Variants in HELQ observed in about 807,000 individuals in gnomAD.
The protein encoded by HELQ is helicase POLQ-like.
HELQ carries 77 observed loss-of-function variants against 111.6 expected under a neutral mutation model. That is an observed-to-expected ratio of 0.69 (90% confidence interval 0.57 to 0.83). The LOEUF is 0.83. Among genes scored for constraint, HELQ ranks in the 40% least tolerant of loss-of-function variants. The probability of loss-of-function intolerance (pLI) is 0.00; values close to 1 mark genes in which losing one functional copy is unlikely to be tolerated. For missense variants in HELQ, 1,200 were observed against 1,288.5 expected, an observed-to-expected ratio of 0.93 and a Z score of 1.05; for synonymous variants, 438 against 454.7, an observed-to-expected ratio of 0.96 and a Z score of 0.47.
chr4:83,446,962 A>C lies in HELQ; in HGVS notation c.1265T>G (p.Phe422Cys), dbSNP rs1721080747. The C allele has an allele frequency of 6.2e-7, 1 of 1,613,686 alleles. No individual in the cohort carries two copies. Among genetic ancestry groups the C allele is most frequent in the Admixed American group, 1.7e-5 (1 of 60,020 alleles). ...VEEYAGSKGR[F>C]PPTKRREKKS... ...CTTTTCCCTTCTTTTAGTTGGAGGAAATCTTCCTTTGCTTCCAGCATATTC... is the reference window on the plus strand; with the variant it reads ...CTTTTCCCTTCTTTTAGTTGGAGGACATCTTCCTTTGCTTCCAGCATATTC... Residue 422 changes from phenylalanine to cysteine, a missense_variant, in exon 4 of 18, where the codon TTT becomes TGT. Transcript: ENST00000295488.
In HELQ at chr4:83,452,457, G is replaced by A. The variant is rs150594075; in HGVS notation, c.1012+774C>T. Among the ~76,000 whole-genome samples, 1,131 of 152,300 alleles carry A rather than the reference G, an allele frequency of 7.4e-3. 5 individuals are homozygous for A. Among genetic ancestry groups the A allele is most frequent in the Middle Eastern group, 0.027 (8 of 294 alleles). ...TCTGGGTGGTGGCAGGGATGCACCCGTGGGGAGAGGTAGCTGCGGCTGCTG... is the reference window on the plus strand; with the variant it reads ...TCTGGGTGGTGGCAGGGATGCACCCATGGGGAGAGGTAGCTGCGGCTGCTG... On this transcript the variant is annotated intron_variant, in intron 2 of 17. Transcript: ENST00000295488.
chr4:83,430,131 C>T (rs4365717), intron 11 of HELQ, among the ~76,000 whole-genome samples: 3,578 of 150,376 alleles, frequency 0.024, 138 homozygotes, highest in African/African-American at 0.083. Context: ...ACTGTAAAAA[C>T]ATCCTTTAGC....
In HELQ at chr4:83,448,806, A is replaced by G. The variant is rs1233881755; in HGVS notation, c.1168T>C (p.Tyr390His). 6.2e-7 allele frequency: 1 copy of G among 1,613,442 alleles called. No individual in the cohort carries two copies. Among genetic ancestry groups the G allele is most frequent in the East Asian group, 2.2e-5 (1 of 44,890 alleles). The part of the protein sequence containing the change: ...CRKDVLMILP[Y>H]VAIVQEKISG... Reference sequence around the variant, plus strand: ...ACCTTTTCTTGGACAATTGCCACATATGGAAGAATCATTAAAACATCTTTC... The same window carrying G: ...ACCTTTTCTTGGACAATTGCCACATGTGGAAGAATCATTAAAACATCTTTC... Residue 390 changes from tyrosine (Y) to histidine (H), a missense_variant, in exon 3 of 18, where the codon TAT becomes CAT. Tyr to His is a moderately conservative substitution (Grantham distance 83). Coordinates refer to ENST00000295488, the MANE Select transcript of HELQ (RefSeq NM_133636.5).
intron 2 of HELQ, among the ~76,000 whole-genome samples, chr4:83,452,619 CA>C (rs1253462326): frequency 6.6e-6 from 1 of 152,152 alleles, no homozygotes; most frequent in Non-Finnish European, 1.5e-5. Context: ...CAAGGAAATA[CA>C]ACTAAGAAAG....
Position 83,421,718 on chromosome 4 carries a change from C to T in HELQ, c.2794G>A (p.Val932Ile). The change falls in exon 15 of 18, where the codon GTC becomes ATC. Residue 932 changes from valine (V) to isoleucine (I), a missense_variant. By Grantham distance (29) the Val-to-Ile change is conservative. Around this residue, in one of 3 missense-constraint regions of HELQ, gnomAD observed 585 missense variants for 665.3 expected, o/e 0.88. Transcript: ENST00000295488. ...AIGKKVDKNVVNRLYLSFVLY... is the reference protein window; with the variant it reads ...AIGKKVDKNVINRLYLSFVLY... ...ACAAAAGACAGATATAGCCTGTTGA[C>T]AACGTTCTTGTCCACCTTCTAGAAA... The T allele has an allele frequency of 6.2e-7, 1 of 1,613,208 alleles. No individual in the cohort carries two copies. Among genetic ancestry groups the T allele is most frequent in the Non-Finnish European group, 8.5e-7 (1 of 1,179,640 alleles).
intron 3 of HELQ, among the ~76,000 whole-genome samples, chr4:83,448,039 ATC>A (rs1489681955): frequency 1.3e-5 from 2 of 151,578 alleles, no homozygotes; most frequent in Admixed American, 1.3e-4. Context: ...ATGAAAACCC[ATC>A]TCTACTAAAA....
In HELQ at chr4:83,421,713, G is replaced by A. The variant is rs1739695044; in HGVS notation, c.2799C>T (p.Asn933=). 2 of 1,613,032 alleles carry A rather than the reference G, an allele frequency of 1.2e-6. No homozygotes were observed. Among genetic ancestry groups the A allele is most frequent in the Non-Finnish European group, 1.7e-6 (2 of 1,179,670 alleles). The change falls in exon 15 of 18, where the codon AAC becomes AAT. Residue 933 remains asparagine (N), a synonymous_variant. Transcript: ENST00000295488. ...IGKKVDKNVV[N]RLYLSFVLYT... Reference sequence around the variant, plus strand: ...AAAGAACAAAAGACAGATATAGCCTGTTGACAACGTTCTTGTCCACCTTCT... The same window carrying A: ...AAAGAACAAAAGACAGATATAGCCTATTGACAACGTTCTTGTCCACCTTCT...
At chr4:83,438,203 G>A (rs1720563721) in intron 8 of HELQ, among the ~76,000 whole-genome samples, 1 of 152,184 alleles carries the variant, frequency 6.6e-6, no homozygotes, top group African/African-American at 2.4e-5. Flanking sequence ...CAGGTTAATA[G>A]ACTATGAATA....
Position 83,441,387 on chromosome 4 carries a change from T to TA in HELQ, c.1579dup (p.Tyr527LeufsTer6), listed in dbSNP as rs765984574. The TA allele has an allele frequency of 6.5e-7, 1 of 1,546,952 alleles. No individual in the cohort carries two copies. Among genetic ancestry groups the TA allele is most frequent in the South Asian group, 1.2e-5 (1 of 86,722 alleles). On this transcript the variant is annotated frameshift_variant, in exon 7 of 18. Coordinates refer to ENST00000295488, the MANE Select transcript of HELQ (RefSeq NM_133636.5). LOFTEE classifies it high-confidence loss of function. ...ATATATTGTATCATTTATTTTCAGA[T>TA]ATTCTTTTAACTCAACCTTGAATTA...
intron 4 of HELQ, 39 bp from the exon 5 acceptor site, chr4:83,446,125 T>G: frequency 7.2e-7 from 1 of 1,382,822 alleles, no homozygotes; most frequent in Non-Finnish European, 1.0e-6. Flanking sequence ...GAAGTAAATC[T>G]TCATATAGTG....
At position 83,427,717 on chromosome 4, in the gene HELQ, G is replaced by A. The variant is rs1370151216; in HGVS notation, c.2522C>T (p.Thr841Ile). ...TKLGRASFKG[T>I]IDLAYCDILY... ...AATGTCACAATAAGCTAAATCTATA[G>A]TTCCTAAAAGAAAGATACAAATATT... Residue 841 changes from threonine to isoleucine, a missense_variant, in exon 13 of 18, where the codon ACT becomes ATT. By Grantham distance (89) the Thr-to-Ile change is moderately conservative. Coordinates refer to ENST00000295488, the MANE Select transcript of HELQ (RefSeq NM_133636.5). 1 of 1,524,170 alleles carries A rather than the reference G, an allele frequency of 6.6e-7. No homozygotes were observed. Among genetic ancestry groups the A allele is most frequent in the African/African-American group, 1.4e-5 (1 of 70,594 alleles). The allele number at this position is 1,524,170 out of a possible 1,614,324, so 94.4% of individuals were successfully genotyped here.
Position 83,453,501 on chromosome 4 carries a change from C to T in HELQ, c.742G>A (p.Glu248Lys). ...CTAGTTCTGACTTTGGAAGAGGACT[C>T]ATCATTTTGCTGGGGTTGCTCTATG... ...NCIEQPQQND[E>K]SSSKVRTSSD... The change falls in exon 2 of 18, where the codon GAG becomes AAG. Residue 248 changes from glutamate to lysine, a missense_variant. Physicochemically the swap from Glu to Lys is moderately conservative, Grantham distance 56. This residue lies in a region of HELQ where 610 missense variants were observed against 607.1 expected (regional missense o/e 1.00). Coordinates refer to ENST00000295488, the MANE Select transcript of HELQ (RefSeq NM_133636.5). The T allele has an allele frequency of 6.2e-7, 1 of 1,613,614 alleles. No individual in the cohort carries two copies. The highest frequency in any genetic ancestry group is 1.7e-5 in the Admixed American group (1 of 59,906).
intron 15 of HELQ, among the ~76,000 whole-genome samples, chr4:83,419,610 TAAAC>T (rs945166121): frequency 2.0e-5 from 3 of 151,574 alleles, no homozygotes; most frequent in Non-Finnish European, 2.9e-5. Context: ...GTTTTTTACT[TAAAC>T]AATTCTATAA....
At chr4:83,411,157 CAAA>C (rs35424076) in intron 17 of HELQ, among the ~76,000 whole-genome samples, 13 of 67,154 alleles carry the variant, frequency 1.9e-4, no homozygotes, top group African/African-American at 2.3e-4. Flanking sequence ...GACCTTGTCT[CAAA>C]AAAAAAAAAA....
At chr4:83,451,657 C>A (rs1017008793) in intron 2 of HELQ, among the ~76,000 whole-genome samples, 4 of 149,368 alleles carry the variant, frequency 2.7e-5, no homozygotes, top group African/African-American at 7.7e-5. Context: ...ACGCGAGACT[C>A]CGTCTCAAAA....
At position 83,436,975 on chromosome 4, in the gene HELQ, T is replaced by C. The variant is rs1472525682; in HGVS notation, c.1931A>G (p.His644Arg). Reference protein sequence around the residue: ...RTIPFGVAYHHSGLTSDERKL... With the variant: ...RTIPFGVAYHRSGLTSDERKL... The stretch of plus-strand genomic sequence containing the variant: ...CCTTTCATCACTTGTTAAGCCACTG[T>C]GGTGATAGGCAACTCCAAATGGGAT... Residue 644 changes from histidine (H) to arginine (R), a missense_variant, in exon 9 of 18, where the codon CAC (histidine) becomes CGC (arginine). His to Arg is a conservative substitution (Grantham distance 29). Around this residue, in one of 3 missense-constraint regions of HELQ, gnomAD observed 585 missense variants for 665.3 expected, o/e 0.88. Coordinates refer to ENST00000295488, the MANE Select transcript of HELQ (RefSeq NM_133636.5). 2.5e-6 allele frequency: 4 copies of C among 1,614,212 alleles called. No individual in the cohort carries two copies. Among genetic ancestry groups the C allele is most frequent in the Non-Finnish European group, 3.4e-6 (4 of 1,180,026 alleles).
At chr4:83,444,668 T>C (rs1181235247) in intron 5 of HELQ, among the ~76,000 whole-genome samples, 1 of 152,200 alleles carries the variant, frequency 6.6e-6, no homozygotes, top group East Asian at 1.9e-4. Flanking sequence ...TGTTTCTTCA[T>C]TGCTCCTATG....
chr4:83,409,926 A>C (rs1174711517), intron 17 of HELQ, among the ~76,000 whole-genome samples: 4 of 152,176 alleles, frequency 2.6e-5, no homozygotes, highest in Non-Finnish European at 4.4e-5. Flanking sequence ...CACTGAAAAA[A>C]TTTAAAAAGC....
Position 83,427,699 on chromosome 4 carries a change from C to A in HELQ, c.2540G>T (p.Cys847Phe). The A allele has an allele frequency of 4.5e-6, 7 of 1,562,738 alleles. No homozygotes were observed. Among genetic ancestry groups the A allele is most frequent in the African/African-American group, 1.4e-5 (1 of 72,116 alleles). The change falls in exon 13 of 18, where the codon TGT becomes TTT. Residue 847 changes from cysteine to phenylalanine, a missense_variant. Transcript: ENST00000295488. ...SFKGTIDLAY[C>F]DILYRDLKKG... ...CTTCAAGTCTCTGTACAGAATGTCACAATAAGCTAAATCTATAGTTCCTAA... is the reference window on the plus strand; with the variant it reads ...CTTCAAGTCTCTGTACAGAATGTCAAAATAAGCTAAATCTATAGTTCCTAA...
Sources: gnomAD v4.1 joint callset for allele counts (sites outside exome capture counted in the v4.1 genomes callset) on GRCh38, gnomAD v4.1.1 for gene constraint, gnomAD v4.1.1 regional missense constraint, MANE v1.5 for transcripts, NCBI Gene and HGNC (gene_info 2026-07-23, HGNC 2026-07-21) for gene names.